ZSCAN5A: variants seen among roughly 807,000 people sequenced by gnomAD.
ZSCAN5A encodes the protein zinc finger and SCAN domain containing 5A.
In ZSCAN5A, 12 loss-of-function variants were observed where a neutral mutation model predicts 23.7. That is an observed-to-expected ratio of 0.51 (90% CI 0.32 to 0.82). The LOEUF is 0.82. Ranked by LOEUF, ZSCAN5A falls within the 40% of genes least tolerant of loss-of-function variation. ZSCAN5A has a pLI of 0.03. For synonymous variants in ZSCAN5A, 257 were observed against 239.9 expected, an observed-to-expected ratio of 1.07 and a Z score of -0.66; for missense variants, 597 against 617.9, an observed-to-expected ratio of 0.97 and a Z score of 0.36.
intron 2 of ZSCAN5A, among the ~76,000 whole-genome samples, chr19:56,242,926 G>A (rs1212340285): frequency 4.6e-5 from 7 of 152,040 alleles, no homozygotes; most frequent in Non-Finnish European, 7.3e-5. Context: ...TTACAGGCAC[G>A]TGCCACCATG....
chr19:56,296,538 G>A (rs1167508640), intron 2 of ZSCAN5A: 1 of 152,180 alleles, frequency 6.6e-6, no homozygotes, highest in African/African-American at 2.4e-5. Context: ...GATATTAACT[G>A]ATGTTAGCTC....
At chr19:56,318,822 A>T (rs1345239865), upstream of ZSCAN5A, among the ~76,000 whole-genome samples, 1 of 152,208 alleles carries the variant, frequency 6.6e-6, no homozygotes, top group Non-Finnish European at 1.5e-5. Flanking sequence ...ATCCTAATAC[A>T]CTCAGTATAA....
chr19:56,353,613 C>T (rs1467196880), intron 2 of ZSCAN5A, among the ~76,000 whole-genome samples: 1 of 148,344 alleles, frequency 6.7e-6, no homozygotes, highest in Non-Finnish European at 1.5e-5. Context: ...CCCGTCTCTA[C>T]TAAAAAAAAA....
intron 2 of ZSCAN5A, among the ~76,000 whole-genome samples, chr19:56,353,215 A>C (rs1012256167): frequency 2.8e-4 from 42 of 152,336 alleles, no homozygotes; most frequent in African/African-American, 9.4e-4. Context: ...CTGGTGGAGA[A>C]GCACATACAG....
rs748172609 is a variant in ZSCAN5A at position 56,244,194 on chromosome 19, G to A, written c.-127-19021C>T. ...TGTCACGTGAACTTCAGGATGTTCA[G>A]CTGCCCAGAGGAGTCGGACCCCATC... On this transcript the variant is annotated intron_variant, in intron 2 of 5. Coordinates refer to ENST00000683990, the MANE Select transcript of ZSCAN5A (RefSeq NM_001322064.3). 55 of 1,610,380 alleles carry A rather than the reference G, an allele frequency of 3.4e-5. No individual in the cohort carries two copies. The East Asian group carries it at 1.2e-3, about 35-fold the overall frequency.
intron 2 of ZSCAN5A, chr19:56,343,275 CT>C: frequency 1.2e-6 from 1 of 803,352 alleles, no homozygotes; most frequent in Non-Finnish European, 2.0e-6. Context: ...TGTGAGGAGG[CT>C]TTGCCAGGAG....
chr19:56,285,318 TCAC>T (rs2039023621), intron 2 of ZSCAN5A, among the ~76,000 whole-genome samples: 1 of 152,222 alleles, frequency 6.6e-6, no homozygotes, highest in African/African-American at 2.4e-5. Flanking sequence ...ATCATTCTCT[TCAC>T]CACATTCCCG....
intron 2 of ZSCAN5A, among the ~76,000 whole-genome samples, chr19:56,341,868 T>C (rs956329446): frequency 3.3e-5 from 5 of 151,540 alleles, no homozygotes; most frequent in African/African-American, 1.2e-4. Context: ...TGAAAATGAG[T>C]TGAAGGAGAG....
intron 2 of ZSCAN5A, among the ~76,000 whole-genome samples, chr19:56,262,288 G>A (rs1457987907): frequency 1.3e-5 from 2 of 151,642 alleles, no homozygotes; most frequent in Non-Finnish European, 2.9e-5. Flanking sequence ...CAAAGTGCTA[G>A]GATTACAGGC....
chr19:56,319,498 G>GAAAAAAAAAA (rs57164685), upstream of ZSCAN5A, among the ~76,000 whole-genome samples: 241 of 78,318 alleles, frequency 3.1e-3, 2 homozygotes, highest in Admixed American at 9.5e-3. Flanking sequence ...TCCATCTCGG[G>GAAAAAAAAAA]AAAAAAAAAA....
intron 2 of ZSCAN5A, among the ~76,000 whole-genome samples, chr19:56,234,034 G>A (rs2034680097): frequency 6.6e-6 from 1 of 152,110 alleles, no homozygotes; most frequent in South Asian, 2.1e-4. Context: ...AACATAGTGA[G>A]ACCCAACTCT....
chr19:56,294,304 T>C (rs1243297584), intron 2 of ZSCAN5A, among the ~76,000 whole-genome samples: 1 of 152,224 alleles, frequency 6.6e-6, no homozygotes, highest in African/African-American at 2.4e-5. Context: ...AGGATGCAAG[T>C]GGTTCGGTGG....
intron 2 of ZSCAN5A, among the ~76,000 whole-genome samples, chr19:56,257,704 G>A (rs1307566753): frequency 4.7e-4 from 55 of 117,038 alleles, no homozygotes; most frequent in South Asian, 1.9e-3. Flanking sequence ...AGGCGCCGGG[G>A]GACTCTGCAA....
chr19:56,293,396 G>A (rs534127507), intron 2 of ZSCAN5A, among the ~76,000 whole-genome samples: 5 of 152,114 alleles, frequency 3.3e-5, no homozygotes, highest in Admixed American at 6.5e-5. Context: ...TGTTCAAAGC[G>A]GCTCAGACTA....
chr19:56,260,263 G>A (rs1453379108), intron 2 of ZSCAN5A, among the ~76,000 whole-genome samples: 1 of 140,536 alleles, frequency 7.1e-6, no homozygotes, highest in East Asian at 2.1e-4. Flanking sequence ...TGCCCAGGCT[G>A]GAGTGCAATG....
At chr19:56,329,174 C>T (rs2041466787) in intron 2 of ZSCAN5A, among the ~76,000 whole-genome samples, 1 of 151,854 alleles carries the variant, frequency 6.6e-6, no homozygotes, top group Admixed American at 6.6e-5. Context: ...CATGGCGAAA[C>T]CCCGCCTCTA....
chr19:56,311,868 CT>C (rs924279950), intron 2 of ZSCAN5A: 2 of 152,250 alleles, frequency 1.3e-5, no homozygotes, highest in African/African-American at 4.8e-5. Context: ...TTGTTCACCC[CT>C]ATGTGTTCAC....
intron 2 of ZSCAN5A, among the ~76,000 whole-genome samples, chr19:56,240,445 C>G (rs138955142): frequency 3.3e-5 from 5 of 152,036 alleles, no homozygotes; most frequent in Non-Finnish European, 5.9e-5. Context: ...TGGAGTCCTT[C>G]GACTTCTCCA....
At chr19:56,250,917 A>G (rs147803271) in intron 2 of ZSCAN5A, among the ~76,000 whole-genome samples, 2,001 of 152,214 alleles carry the variant, frequency 0.013, 41 homozygotes, top group African/African-American at 0.043. Flanking sequence ...TTGGGAGGCC[A>G]AGGCAGGCAG....
Sources: allele counts gnomAD v4.1 joint callset (sites outside exome capture counted in the v4.1 genomes callset), GRCh38; gene constraint gnomAD v4.1.1; transcripts MANE v1.5; gene names NCBI Gene and HGNC (gene_info 2026-07-23, HGNC 2026-07-21).